DLG2: variants seen among roughly 807,000 people sequenced by gnomAD.
DLG2 encodes disks large homolog 2.
In DLG2, 45 loss-of-function variants were observed where a neutral mutation model predicts 132.5. The ratio of observed to expected loss-of-function variants is 0.34; its 90% CI spans 0.27 to 0.44. The LOEUF (loss-of-function observed/expected upper bound fraction) is 0.44. Among genes scored for constraint, DLG2 ranks in the 20% least tolerant of loss-of-function variants. DLG2 has a pLI of 1.00. For missense variants in DLG2, 1,045 were observed against 1,196.9 expected (o/e 0.87, Z 1.87); for synonymous variants, 424 against 419.6 (o/e 1.01, Z -0.13).
At chr11:83,656,275 A>T (rs1415611028) in intron 18 of DLG2, among the ~76,000 whole-genome samples, 1 of 152,214 alleles carries the variant, frequency 6.6e-6, no homozygotes, top group Non-Finnish European at 1.5e-5. Context: ...GAAAGTGACT[A>T]CAGGGTACTA....
intron 9 of DLG2, among the ~76,000 whole-genome samples, chr11:84,126,224 T>A (rs565017131): frequency 1.6e-4 from 25 of 152,110 alleles, no homozygotes; most frequent in Non-Finnish European, 2.9e-4. Context: ...TCAGGAGAAT[T>A]AGTATAGTTA....
intron 6 of DLG2, among the ~76,000 whole-genome samples, chr11:84,587,944 G>C (rs964573540): frequency 6.6e-6 from 1 of 152,118 alleles, no homozygotes; most frequent in Non-Finnish European, 1.5e-5. Context: ...AACTGGATTT[G>C]GCTTTCAATC....
intron 6 of DLG2, among the ~76,000 whole-genome samples, chr11:85,090,414 C>T (rs1231600840): frequency 6.6e-6 from 1 of 152,196 alleles, no homozygotes; most frequent in African/African-American, 2.4e-5. Context: ...ATTGACCTCC[C>T]TTACTTCCTA....
intron 6 of DLG2, among the ~76,000 whole-genome samples, chr11:84,878,498 T>A (rs578126574): frequency 6.6e-6 from 1 of 151,394 alleles, no homozygotes; most frequent in African/African-American, 2.4e-5. Context: ...TAAGTGGGAG[T>A]TGAACAATGA....
At chr11:84,511,123 T>C (rs1202682069) in intron 7 of DLG2, among the ~76,000 whole-genome samples, 5 of 152,044 alleles carry the variant, frequency 3.3e-5, no homozygotes, top group Admixed American at 3.3e-4. Context: ...TAAAATGAGT[T>C]TGATGAGAGT....
At chr11:83,637,836 A>G (rs1271248913) in intron 18 of DLG2, among the ~76,000 whole-genome samples, 2 of 152,156 alleles carry the variant, frequency 1.3e-5, no homozygotes, top group African/African-American at 4.8e-5. Context: ...CTCAGGGTCT[A>G]TCATTCTACC....
At chr11:85,618,493 T>C (rs1314612336) in intron 2 of DLG2, among the ~76,000 whole-genome samples, 1 of 152,210 alleles carries the variant, frequency 6.6e-6, no homozygotes, top group Non-Finnish European at 1.5e-5. Context: ...CCAATGTTTA[T>C]CCCAGGCAAA....
chr11:83,882,976 T>A (rs777486510), intron 15 of DLG2, among the ~76,000 whole-genome samples: 7 of 152,184 alleles, frequency 4.6e-5, no homozygotes, highest in Non-Finnish European at 1.0e-4. Flanking sequence ...CCTGTGCCAC[T>A]GCGACCCATA....
At chr11:84,129,799 C>T (rs972568478) in intron 9 of DLG2, among the ~76,000 whole-genome samples, 2 of 151,966 alleles carry the variant, frequency 1.3e-5, no homozygotes, top group Admixed American at 1.3e-4. Flanking sequence ...TTTCCCTGCA[C>T]TCCTCCTTGC....
chr11:84,163,501 G>A lies in DLG2; in HGVS notation c.584C>T (p.Thr195Ile), dbSNP rs376688328. Residue 195 changes from threonine (T) to isoleucine (I), a missense_variant, in exon 9 of 28, where the codon ACA becomes ATA. Physicochemically the swap from Thr to Ile is moderately conservative, Grantham distance 89. Transcript: ENST00000376104. ...TTCTTCAAATTCATATTCAATTTCT[G>A]TCCCATTGACCTGTAAATAGGGAAA... is the stretch of plus-strand genomic sequence containing the variant. The part of the protein sequence containing the change: ...TLDTIPYVNG[T>I]EIEYEFEEIT... 1.0e-5 allele frequency: 16 copies of A among 1,605,504 alleles called. No individual in the cohort carries two copies. Among genetic ancestry groups the A allele is most frequent in the Non-Finnish European group, 1.4e-5 (16 of 1,176,850 alleles).
At chr11:84,228,416 G>A (rs993127271) in intron 8 of DLG2, among the ~76,000 whole-genome samples, 5 of 152,052 alleles carry the variant, frequency 3.3e-5, no homozygotes, top group African/African-American at 9.7e-5. Context: ...ATTATCTATC[G>A]GGAACAAGAC....
chr11:84,080,250 G>A (rs530228796), intron 10 of DLG2, among the ~76,000 whole-genome samples: 2 of 152,270 alleles, frequency 1.3e-5, no homozygotes, highest in South Asian at 2.1e-4. Flanking sequence ...ATAAACACTT[G>A]TTTTATCCCT....
chr11:83,471,665 T>C lies in DLG2; in HGVS notation c.2407A>G (p.Ile803Val). 6.2e-7 allele frequency: 1 copy of C among 1,613,200 alleles called. No homozygotes were observed. Among genetic ancestry groups the C allele is most frequent in the Non-Finnish European group, 8.5e-7 (1 of 1,179,450 alleles). Reference sequence around the variant, plus strand: ...CCAAATTTATCAGGGAATTCAGATATCAAGTCGTCATTGATCCGATCCTTC... The same window carrying C: ...CCAAATTTATCAGGGAATTCAGATACCAAGTCGTCATTGATCCGATCCTTC... ...PMKDRINDDL[I>V]SEFPDKFGSC... Residue 803 changes from isoleucine (I) to valine (V), a missense_variant, in exon 24 of 28, where the codon ATA becomes GTA. This residue lies in a region of DLG2 where 398 missense variants were observed against 543.6 expected (regional missense o/e 0.73). Coordinates refer to ENST00000376104, the MANE Select transcript of DLG2 (RefSeq NM_001142699.3).
At chr11:85,388,537 G>C (rs1316413874) in intron 3 of DLG2, among the ~76,000 whole-genome samples, 2 of 152,078 alleles carry the variant, frequency 1.3e-5, no homozygotes, top group Non-Finnish European at 2.9e-5. Context: ...TGGAGGTCAA[G>C]CACCACAAAA....
chr11:83,886,761 G>C (rs1044560233), intron 15 of DLG2, among the ~76,000 whole-genome samples: 1 of 152,120 alleles, frequency 6.6e-6, no homozygotes, highest in African/African-American at 2.4e-5. Flanking sequence ...TCAGACCACA[G>C]CGCAATCAAA....
At chr11:84,816,545 T>C (rs1486881534) in intron 6 of DLG2, among the ~76,000 whole-genome samples, 1 of 151,970 alleles carries the variant, frequency 6.6e-6, no homozygotes, top group African/African-American at 2.4e-5. Flanking sequence ...TGGCAGCTAC[T>C]ATTTTTGAGC....
chr11:84,833,893 T>C (rs1426623118), intron 6 of DLG2, among the ~76,000 whole-genome samples: 2 of 151,670 alleles, frequency 1.3e-5, no homozygotes, highest in African/African-American at 2.4e-5. Context: ...GCAACTTGCA[T>C]AGAGTTATGT....
intron 6 of DLG2, among the ~76,000 whole-genome samples, chr11:84,918,742 C>T (rs958234999): frequency 6.6e-6 from 1 of 152,150 alleles, no homozygotes. Context: ...CAGTACTATT[C>T]AAACTGAAGC....
intron 6 of DLG2, among the ~76,000 whole-genome samples, chr11:85,073,500 G>A (rs1379516597): frequency 1.3e-5 from 2 of 151,820 alleles, no homozygotes; most frequent in Non-Finnish European, 1.5e-5. Flanking sequence ...GTAATAAATG[G>A]TGGTAGTAAG....
Sources: gnomAD v4.1 joint callset for allele counts (sites outside exome capture counted in the v4.1 genomes callset) on GRCh38, gnomAD v4.1.1 for gene constraint, gnomAD v4.1.1 regional missense constraint, MANE v1.5 for transcripts, NCBI Gene and HGNC (gene_info 2026-07-23, HGNC 2026-07-21) for gene names.